MGAT4C: variants seen among roughly 807,000 people sequenced by gnomAD.
MGAT4C encodes MGAT4 family member C.
In MGAT4C, 19 loss-of-function variants were observed where a neutral mutation model predicts 40.1. That is an observed-to-expected ratio of 0.47 (90% CI 0.33 to 0.70). MGAT4C has a LOEUF of 0.70. MGAT4C is among the 30% of genes least tolerant of loss of function. The pLI is 0.02. For missense variants in MGAT4C, 491 were observed against 563.2 expected (o/e 0.87, Z 1.30); for synonymous variants, 181 against 187.1 (o/e 0.97, Z 0.27).
rs1884009813 is a variant in MGAT4C, at chr12:85,976,670, T to A, written c.*2619A>T. The stretch of plus-strand genomic sequence containing the variant: ...AATTATATATATATGTATATATATA[T>A]TATATATATGTATATATGTATTATA... On this transcript the variant is annotated 3_prime_UTR_variant, in exon 5 of 5. Coordinates refer to ENST00000611864, the MANE Select transcript of MGAT4C (RefSeq NM_001351288.2). 1 of 146,526 alleles carries A rather than the reference T, an allele frequency of 6.8e-6. No homozygotes were observed. Among genetic ancestry groups the A allele is most frequent in the Non-Finnish European group, 1.5e-5 (1 of 66,246 alleles). 9.1% of individuals were successfully genotyped at this position (146,526 alleles called of 1,614,324 possible).
intron 4 of MGAT4C, among the ~76,000 whole-genome samples, chr12:86,281,985 G>GT (rs1228055908): frequency 6.6e-6 from 1 of 151,982 alleles, no homozygotes; most frequent in Non-Finnish European, 1.5e-5. Flanking sequence ...TAAGTAGAAT[G>GT]TTTTCCCTTC....
At chr12:86,353,415 C>T (rs907809733) in intron 3 of MGAT4C, among the ~76,000 whole-genome samples, 6 of 152,154 alleles carry the variant, frequency 3.9e-5, no homozygotes, top group African/African-American at 1.4e-4. Flanking sequence ...GGGGTGAGTT[C>T]TCTCTGCACT....
chr12:86,457,998 G>T (rs778111399), intron 2 of MGAT4C, among the ~76,000 whole-genome samples: 1 of 151,870 alleles, frequency 6.6e-6, no homozygotes, highest in South Asian at 2.1e-4. Flanking sequence ...AAAAGTCAGA[G>T]AATCATAAAT....
chr12:86,495,779 C>A (rs911211665), intron 2 of MGAT4C, among the ~76,000 whole-genome samples: 1 of 151,982 alleles, frequency 6.6e-6, no homozygotes, highest in Non-Finnish European at 1.5e-5. Flanking sequence ...ATTATGAGTT[C>A]CTTCCTCAGT....
chr12:86,376,804 CAGAG>C lies in MGAT4C; in HGVS notation c.-119-42681_-119-42678del, dbSNP rs1565715938. On this transcript the variant is annotated intron_variant, in intron 3 of 7. Transcript: ENST00000548651. ...AGAGAGAGAGACAGAGAGAGAGAGA[CAGAG>C]AGAGAGAGACAGAGAGAGAGAGAGA... Among the ~76,000 whole-genome samples, 8 of 96,816 alleles carry C rather than the reference CAGAG, an allele frequency of 8.3e-5. No homozygotes were observed. In the East Asian group the frequency reaches 9.0e-4, roughly 11 times the overall value. 63.5% of individuals were successfully genotyped at this position (96,816 alleles called of 152,430 possible). A position where few individuals can be genotyped will look rare whatever the true frequency, so the allele number is the denominator to read the frequency against.
chr12:86,255,196 A>C (rs1040465727), intron 1 of MGAT4C, among the ~76,000 whole-genome samples: 3 of 152,152 alleles, frequency 2.0e-5, no homozygotes, highest in Non-Finnish European at 4.4e-5. Context: ...CGTTAAACAA[A>C]ATAACAATTA....
intron 2 of MGAT4C, among the ~76,000 whole-genome samples, chr12:86,705,067 G>C (rs1407259560): frequency 6.6e-6 from 1 of 152,018 alleles, no homozygotes; most frequent in African/African-American, 2.4e-5. Flanking sequence ...TTGATTCTGG[G>C]ATTTGTTCAG....
rs1011480085 is a variant in MGAT4C at position 86,434,859 on chromosome 12, C to T, written c.-120+298G>A. 5.3e-4 allele frequency among the ~76,000 whole-genome samples: 80 copies of T among 151,780 alleles called. 1 individual carries two copies. Among genetic ancestry groups the T allele is most frequent in the African/African-American group, 1.8e-3 (74 of 41,394 alleles). ...AATACCAATCTTTCTTCCCTTTGTC[C>T]TGTCCAGAAGATCTACAGTATAAAC... is the stretch of plus-strand genomic sequence containing the variant. On this transcript the variant is annotated intron_variant, in intron 3 of 7. Coordinates refer to the MGAT4C transcript ENST00000548651.
At chr12:86,679,326 C>G (rs755660760) in intron 2 of MGAT4C, among the ~76,000 whole-genome samples, 12 of 151,744 alleles carry the variant, frequency 7.9e-5, no homozygotes, top group Non-Finnish European at 1.6e-4. Flanking sequence ...CTTTTCTTAA[C>G]ACACTAACCA....
At chr12:86,176,704 A>G (rs1006887054) in intron 1 of MGAT4C, among the ~76,000 whole-genome samples, 2 of 151,570 alleles carry the variant, frequency 1.3e-5, no homozygotes, top group Non-Finnish European at 2.9e-5. Flanking sequence ...TTTATAAATA[A>G]GAATAATTTC....
At chr12:86,276,220 A>G (rs2136112712) in intron 4 of MGAT4C, among the ~76,000 whole-genome samples, 1 of 152,230 alleles carries the variant, frequency 6.6e-6, no homozygotes, top group Non-Finnish European at 1.5e-5. Flanking sequence ...ATAATTACTT[A>G]AATTTAGCTA....
At chr12:86,664,290 C>A (rs1048053991) in intron 2 of MGAT4C, among the ~76,000 whole-genome samples, 1 of 152,022 alleles carries the variant, frequency 6.6e-6, no homozygotes, top group African/African-American at 2.4e-5. Context: ...CTTCCTTACT[C>A]TCTCCTTTCT....
At chr12:86,362,707 CA>C (rs371798887) in intron 3 of MGAT4C, among the ~76,000 whole-genome samples, 66 of 147,416 alleles carry the variant, frequency 4.5e-4, no homozygotes, top group Non-Finnish European at 5.3e-4. Flanking sequence ...ACTAAAAATA[CA>C]AAAAAAAAAT....
intron 2 of MGAT4C, among the ~76,000 whole-genome samples, chr12:86,616,687 A>G (rs778987103): frequency 6.6e-6 from 1 of 151,696 alleles, no homozygotes; most frequent in Admixed American, 6.6e-5. Flanking sequence ...GACTTTCATC[A>G]AAGTTAACAG....
chr12:86,277,736 T>C (rs1953111773), intron 4 of MGAT4C, among the ~76,000 whole-genome samples: 1 of 152,176 alleles, frequency 6.6e-6, no homozygotes, highest in Non-Finnish European at 1.5e-5. Context: ...GGTTCTCTGT[T>C]CTGTTCCATT....
At chr12:86,388,675 G>GT (rs752469980) in intron 3 of MGAT4C, among the ~76,000 whole-genome samples, 5,033 of 98,792 alleles carry the variant, frequency 0.051, 389 homozygotes, top group African/African-American at 0.17. Context: ...AGCGTTTTTT[G>GT]TTTTTTTTTT....
intron 1 of MGAT4C, among the ~76,000 whole-genome samples, chr12:86,116,746 T>C (rs1007076641): frequency 3.9e-5 from 6 of 152,124 alleles, no homozygotes; most frequent in Admixed American, 1.3e-4. Flanking sequence ...TCATTGTTAA[T>C]AAGTATGGTT....
chr12:86,423,990 A>T (rs1173354271), intron 3 of MGAT4C, among the ~76,000 whole-genome samples: 1 of 152,232 alleles, frequency 6.6e-6, no homozygotes, highest in Admixed American at 6.5e-5. Flanking sequence ...AATATCTGCA[A>T]AACTAAGTTG....
At chr12:86,712,944 T>C (rs1020817632) in intron 2 of MGAT4C, among the ~76,000 whole-genome samples, 1 of 152,120 alleles carries the variant, frequency 6.6e-6, no homozygotes, top group African/African-American at 2.4e-5. Flanking sequence ...ATAAAATCAT[T>C]TCATGGATAG....
Sources: gnomAD v4.1 joint callset for allele counts (sites outside exome capture counted in the v4.1 genomes callset) on GRCh38, gnomAD v4.1.1 for gene constraint, MANE v1.5 for transcripts, NCBI Gene and HGNC (gene_info 2026-07-23, HGNC 2026-07-21) for gene names.